NEK11: variants seen among roughly 807,000 people sequenced by gnomAD.
The protein encoded by NEK11 is NIMA related kinase 11.
NEK11 carries 72 observed loss-of-function variants against 80.7 expected under a neutral mutation model. The ratio of observed to expected loss-of-function variants is 0.89; its 90% confidence interval spans 0.74 to 1.08. The LOEUF (loss-of-function observed/expected upper bound fraction) is 1.08. NEK11 is among the 50% of genes least tolerant of loss of function. The pLI, the probability that NEK11 is intolerant of heterozygous loss-of-function variation, is 0.00. For missense variants in NEK11, 764 were observed against 763.6 expected (o/e 1.00, Z -0.01); for synonymous variants, 251 against 260.7 (o/e 0.96, Z 0.36).
chr3:131,158,013 A>G (rs372927361), intron 10 of NEK11, among the ~76,000 whole-genome samples: 24 of 152,082 alleles, frequency 1.6e-4, no homozygotes, highest in African/African-American at 5.8e-4. Context: ...ACTTGCTCCC[A>G]TGGGAGGCTT....
intron 14 of NEK11, among the ~76,000 whole-genome samples, chr3:131,199,998 A>G (rs2094167157): frequency 6.6e-6 from 1 of 152,334 alleles, no homozygotes; most frequent in East Asian, 1.9e-4. Context: ...ATCATTCAAT[A>G]GATTCAAGAG....
chr3:131,158,731 A>C (rs1044278631), intron 10 of NEK11, among the ~76,000 whole-genome samples: 1 of 152,138 alleles, frequency 6.6e-6, no homozygotes, highest in African/African-American at 2.4e-5. Flanking sequence ...ACAGGGAGAC[A>C]GGCACCCTGA....
intron 4 of NEK11, among the ~76,000 whole-genome samples, chr3:131,085,774 T>C (rs1022382305): frequency 6.6e-6 from 1 of 152,200 alleles, no homozygotes; most frequent in Non-Finnish European, 1.5e-5. Flanking sequence ...ATAATCATAG[T>C]ATAATTATCA....
chr3:131,239,401 G>T (rs568388486), intron 15 of NEK11, among the ~76,000 whole-genome samples: 1 of 152,260 alleles, frequency 6.6e-6, no homozygotes, highest in South Asian at 2.1e-4. Context: ...ATAGGTCTAT[G>T]CCTGCTCAGG....
chr3:131,212,670 G>A (rs998451902), intron 14 of NEK11, among the ~76,000 whole-genome samples: 3 of 152,196 alleles, frequency 2.0e-5, no homozygotes, highest in Non-Finnish European at 4.4e-5. Flanking sequence ...ATGTTTCTTA[G>A]TACTAGAAGA....
intron 14 of NEK11, among the ~76,000 whole-genome samples, chr3:131,222,188 T>C (rs1227504234): frequency 6.6e-6 from 1 of 152,170 alleles, no homozygotes; most frequent in African/African-American, 2.4e-5. Flanking sequence ...TAACCATAAA[T>C]AGACTTATTC....
chr3:131,099,342 A>G (rs2077995848), intron 4 of NEK11, among the ~76,000 whole-genome samples: 1 of 152,178 alleles, frequency 6.6e-6, no homozygotes, highest in Non-Finnish European at 1.5e-5. Flanking sequence ...CTGTTCTTGT[A>G]CTAGTATCAT....
chr3:131,324,391 G>A (rs1018072930), intron 17 of NEK11, among the ~76,000 whole-genome samples: 6 of 152,170 alleles, frequency 3.9e-5, no homozygotes. Context: ...TCCCAGTCAT[G>A]GGAACTCATC....
At chr3:131,209,583 TG>T (rs1326117080) in intron 14 of NEK11, among the ~76,000 whole-genome samples, 1 of 152,340 alleles carries the variant, frequency 6.6e-6, no homozygotes, top group East Asian at 1.9e-4. Context: ...TTTGTACCTC[TG>T]GTAGAATTTG....
chr3:131,258,591 A>G (rs1409240812), intron 16 of NEK11, among the ~76,000 whole-genome samples: 1 of 152,180 alleles, frequency 6.6e-6, no homozygotes, highest in East Asian at 1.9e-4. Flanking sequence ...TTAATTACTG[A>G]ATGTCAATCC....
At chr3:131,146,198 G>C (rs185967835) in intron 7 of NEK11, among the ~76,000 whole-genome samples, 13 of 152,214 alleles carry the variant, frequency 8.5e-5, no homozygotes, top group African/African-American at 2.9e-4. Context: ...AGAACAGAGT[G>C]TGTAGGTGCT....
intron 15 of NEK11, among the ~76,000 whole-genome samples, chr3:131,236,561 G>T (rs975974906): frequency 6.6e-6 from 1 of 152,176 alleles, no homozygotes; most frequent in South Asian, 2.1e-4. Flanking sequence ...AGTAAACAAG[G>T]CATTAGCAGT....
chr3:131,125,247 G>A (rs566404490), intron 5 of NEK11, among the ~76,000 whole-genome samples: 23 of 152,244 alleles, frequency 1.5e-4, no homozygotes, highest in African/African-American at 5.5e-4. Flanking sequence ...CTTTATGAGT[G>A]ACTTTTCTTT....
chr3:131,220,736 T>C (rs1014522138), intron 14 of NEK11, among the ~76,000 whole-genome samples: 1 of 152,132 alleles, frequency 6.6e-6, no homozygotes, highest in African/African-American at 2.4e-5. Context: ...CAAACTTTAA[T>C]GCTGAACTAT....
At chr3:131,105,188 A>G (rs760682432) in intron 4 of NEK11, among the ~76,000 whole-genome samples, 2 of 152,228 alleles carry the variant, frequency 1.3e-5, no homozygotes, top group Non-Finnish European at 2.9e-5. Flanking sequence ...AAAATGCAGA[A>G]TATTTCCTTA....
intron 17 of NEK11, among the ~76,000 whole-genome samples, chr3:131,279,727 ATAGT>A (rs921526983): frequency 1.2e-4 from 18 of 152,162 alleles, no homozygotes; most frequent in African/African-American, 3.9e-4. Flanking sequence ...TTGTAACTGG[ATAGT>A]TAGTTATGAA....
At chr3:131,285,661 C>T (rs1047100815) in intron 17 of NEK11, among the ~76,000 whole-genome samples, 2 of 152,204 alleles carry the variant, frequency 1.3e-5, no homozygotes, top group Non-Finnish European at 2.9e-5. Flanking sequence ...TTTTCTCATG[C>T]GGGCACCTGA....
intron 14 of NEK11, among the ~76,000 whole-genome samples, chr3:131,222,043 G>A (rs1423487883): frequency 1.3e-5 from 2 of 152,012 alleles, no homozygotes; most frequent in Non-Finnish European, 2.9e-5. Flanking sequence ...GGTTTACCAG[G>A]ATGACTAAGC....
chr3:131,248,773 A>C (rs906645060), intron 16 of NEK11, among the ~76,000 whole-genome samples: 9 of 152,158 alleles, frequency 5.9e-5, no homozygotes, highest in African/African-American at 1.7e-4. Context: ...TTATAGTGTG[A>C]ATCTCTGTGC....
Sources: gnomAD v4.1 joint callset for allele counts (sites outside exome capture counted in the v4.1 genomes callset) on GRCh38, gnomAD v4.1.1 for gene constraint, MANE v1.5 for transcripts, NCBI Gene and HGNC (gene_info 2026-07-23, HGNC 2026-07-21) for gene names.